The following OPTN variants were observed in gnomAD, a reference collection of about 807,000 sequenced individuals.
OPTN encodes E3-14.7K-interacting protein.
In OPTN, 54 loss-of-function variants were observed where a neutral mutation model predicts 70.4. The observed-to-expected ratio is 0.77, with a 90% CI of 0.62 to 0.96. The LOEUF is 0.96. OPTN is among the 40% of genes least tolerant of loss of function. OPTN has a pLI of 0.00. For missense variants in OPTN, 624 were observed against 673.2 expected, an observed-to-expected ratio of 0.93 and a Z score of 0.81; for synonymous variants, 256 against 248.5, an observed-to-expected ratio of 1.03 and a Z score of -0.28.
chr10:13,114,660 A>ATGTTTTTTATAATAGATATATC (rs1833082379), intron 5 of OPTN, among the ~76,000 whole-genome samples: 2 of 146,144 alleles, frequency 1.4e-5, no homozygotes, highest in Non-Finnish European at 3.0e-5. Context: ...ATATGTATCT[A>ATGTTTTTTATAATAGATATATC]TGTTTTTTAT....
At chr10:13,115,703 T>C (rs1477098141) in intron 5 of OPTN, among the ~76,000 whole-genome samples, 1 of 148,546 alleles carries the variant, frequency 6.7e-6, no homozygotes, top group East Asian at 1.9e-4. Context: ...AGATTTTCCC[T>C]GGGAGCTTAT....
intron 8 of OPTN, 121 bp downstream of exon 8, chr10:13,122,608 A>AAT: frequency 1.4e-6 from 1 of 737,470 alleles, no homozygotes. Context: ...GTTGATATTG[A>AAT]ATATTATCTA....
rs56147136 is a variant in OPTN at position 13,128,502 on chromosome 10, C to CTTTTTTTTTT, written c.1401+622_1401+631dup. 2.1e-3 allele frequency among the ~76,000 whole-genome samples: 69 copies of CTTTTTTTTTT among 33,450 alleles called. 7 individuals carry two copies. Among genetic ancestry groups the CTTTTTTTTTT allele is most frequent in the East Asian group, 2.7e-3 (4 of 1,506 alleles). 21.9% of individuals were successfully genotyped at this position (33,450 alleles called of 152,430 possible). On this transcript the variant is annotated intron_variant, in intron 12 of 14. Transcript: ENST00000378747. ...TTGTGAAGTGCCTTATCAAGCCTGC[C>CTTTTTTTTTT]TTTTTTTTTTTTTTTTTTTTTTTTT...
chr10:13,126,505 C>T (rs1454809202), intron 11 of OPTN, among the ~76,000 whole-genome samples: 1 of 150,190 alleles, frequency 6.7e-6, no homozygotes, highest in Non-Finnish European at 1.5e-5. Context: ...TGGTCTCGAT[C>T]TCCTGACCTC....
At chr10:13,109,900 A>G (rs555867687) in intron 3 of OPTN, among the ~76,000 whole-genome samples, 8 of 122,768 alleles carry the variant, frequency 6.5e-5, no homozygotes, top group African/African-American at 2.2e-4. Flanking sequence ...AGTCCTATAT[A>G]TTACCTTATT....
intron 2 of OPTN, among the ~76,000 whole-genome samples, chr10:13,108,720 G>A (rs2131479661): frequency 6.6e-6 from 1 of 151,924 alleles, no homozygotes; most frequent in East Asian, 1.9e-4. Flanking sequence ...CTAATTTTTT[G>A]TATTTTTAGT....
Position 13,127,821 on chromosome 10 carries a change from A to G in OPTN, c.1319A>G (p.Lys440Arg), listed in dbSNP as rs577925671. The G allele has an allele frequency of 3.1e-6, 5 of 1,614,126 alleles. No individual in the cohort carries two copies. Among genetic ancestry groups the G allele is most frequent in the South Asian group, 1.1e-5 (1 of 91,078 alleles). Residue 440 changes from lysine to arginine, a missense_variant, in exon 12 of 15, where the codon AAA becomes AGA. Transcript: ENST00000378747. ...CTGGCAGAGAAGGCTCTGGCTTCCAAACAGCTGCAAATGGATGAAATGAAG... is the reference window on the plus strand; with the variant it reads ...CTGGCAGAGAAGGCTCTGGCTTCCAGACAGCTGCAAATGGATGAAATGAAG... The part of the protein sequence containing the change: ...LELAEKALAS[K>R]QLQMDEMKQT...
chr10:13,137,100 G>A lies in OPTN; in HGVS notation c.*234G>A, dbSNP rs1286876346. 39 of 526,110 alleles carry A rather than the reference G, an allele frequency of 7.4e-5. No individual in the cohort carries two copies. The highest frequency in any genetic ancestry group is 1.9e-4 in the African/African-American group (10 of 52,884). The allele number at this position is 526,110 out of a possible 1,614,324, so 32.6% of individuals were successfully genotyped here. On this transcript the variant is annotated 3_prime_UTR_variant, in exon 15 of 15. Transcript: ENST00000378747. ...TTGAGACCAGCCTGGCCAACATGGC[G>A]GAACCCTGTCTCTACCAAAATTACA...
At chr10:13,125,887 A>G (rs1381793982) in intron 10 of OPTN, 59 bp from the exon 11 acceptor site, 9 of 1,268,086 alleles carry the variant, frequency 7.1e-6, no homozygotes, top group African/African-American at 2.9e-5. Flanking sequence ...GGGAGGCAAG[A>G]CTATAAGTTT....
chr10:13,110,614 A>G, intron 4 of OPTN, 138 bp downstream of exon 4: 1 of 875,584 alleles, frequency 1.1e-6, no homozygotes, highest in Non-Finnish European at 1.8e-6. Flanking sequence ...TCTTGGAAGA[A>G]GTGCTTTTGC....
At chr10:13,128,134 G>A (rs1049445691) in intron 12 of OPTN, among the ~76,000 whole-genome samples, 2 of 152,116 alleles carry the variant, frequency 1.3e-5, no homozygotes, top group Non-Finnish European at 2.9e-5. Flanking sequence ...TATGATTAAC[G>A]TTGCTAAGAC....
In OPTN at chr10:13,138,189, GT is replaced by G. The variant is rs1293908293; in HGVS notation, c.*1324del. Reference sequence around the variant, plus strand: ...AATAGGTAGGGATTTGCCTTGTTTTGTAAGTCTACAATTTGCCAAGAGTAAA... The same window carrying G: ...AATAGGTAGGGATTTGCCTTGTTTTGAAGTCTACAATTTGCCAAGAGTAAA... On this transcript the variant is annotated 3_prime_UTR_variant, in exon 15 of 15. Coordinates refer to ENST00000378747, the MANE Select transcript of OPTN (RefSeq NM_001008212.2). 5.3e-6 allele frequency: 1 copy of G among 190,042 alleles called. No individual in the cohort carries two copies. The highest frequency in any genetic ancestry group is 2.3e-5 in the African/African-American group (1 of 42,948). 11.8% of individuals were successfully genotyped at this position (190,042 alleles called of 1,614,324 possible).
chr10:13,104,619 C>T (rs1588430068), intron 1 of OPTN: 1 of 682,090 alleles, frequency 1.5e-6, no homozygotes, highest in East Asian at 3.2e-5. Context: ...CCTCGTATTA[C>T]CACCATTCCA....
At chr10:13,111,500 C>T (rs948995862) in intron 4 of OPTN, among the ~76,000 whole-genome samples, 3 of 151,418 alleles carry the variant, frequency 2.0e-5, no homozygotes, top group Non-Finnish European at 4.4e-5. Flanking sequence ...GAGTTCGAGA[C>T]CAGCCTGGCC....
chr10:13,115,974 G>T (rs1833198649), intron 5 of OPTN, among the ~76,000 whole-genome samples: 1 of 152,086 alleles, frequency 6.6e-6, no homozygotes, highest in Non-Finnish European at 1.5e-5. Context: ...GGAAAGGGAG[G>T]AGCAGATAAG....
chr10:13,128,652 C>T (rs1450244297), intron 12 of OPTN, among the ~76,000 whole-genome samples: 2 of 151,302 alleles, frequency 1.3e-5, no homozygotes, highest in Non-Finnish European at 1.5e-5. Flanking sequence ...AGGTGATTCT[C>T]CTGCCTCAGC....
intron 13 of OPTN, 76 bp downstream of exon 13, chr10:13,132,273 C>G: frequency 6.5e-7 from 1 of 1,547,580 alleles, no homozygotes; most frequent in Non-Finnish European, 8.9e-7. Context: ...AAAGACGTTC[C>G]TGATTTGAAC....
At chr10:13,135,231 C>T (rs564891523) in intron 14 of OPTN, among the ~76,000 whole-genome samples, 3 of 152,210 alleles carry the variant, frequency 2.0e-5, no homozygotes, top group African/African-American at 7.2e-5. Flanking sequence ...CAGAGAGATG[C>T]CCGGGAGCCA....
chr10:13,101,849 T>C (rs1832755858), intron 1 of OPTN, among the ~76,000 whole-genome samples: 1 of 152,220 alleles, frequency 6.6e-6, no homozygotes, highest in African/African-American at 2.4e-5. Flanking sequence ...ACTGGCATGC[T>C]GAGTTTGTCA....
Sources: gnomAD v4.1 joint callset for allele counts (sites outside exome capture counted in the v4.1 genomes callset) on GRCh38, gnomAD v4.1.1 for gene constraint, MANE v1.5 for transcripts, NCBI Gene and HGNC (gene_info 2026-07-23, HGNC 2026-07-21) for gene names.